Variants in NT5M observed in about 807,000 individuals in gnomAD.
NT5M encodes the protein 5',3'-nucleotidase, mitochondrial, also known as 5'(3')-deoxyribonucleotidase, mitochondrial.
NT5M carries 22 observed loss-of-function variants against 22.2 expected under a neutral mutation model. The observed-to-expected ratio is 0.99, with a 90% CI of 0.71 to 1.41. The LOEUF (loss-of-function observed/expected upper bound fraction) is 1.41, where lower values mean the gene tolerates loss of function less well. Among genes scored for constraint, NT5M ranks in the 40% most tolerant of loss-of-function variants. The pLI is 0.00. For missense variants in NT5M, 322 were observed against 314.8 expected, an observed-to-expected ratio of 1.02 and a Z score of -0.17; for synonymous variants, 167 against 133.0, an observed-to-expected ratio of 1.26 and a Z score of -1.76.
Position 17,303,587 on chromosome 17 carries a change from T to C in NT5M, c.37T>C (p.Cys13Arg). ...RLGGWCARRLCSAAVPAGRRG... is the reference protein window; with the variant it reads ...RLGGWCARRLRSAAVPAGRRG... ...GGGCGGCTGGTGTGCGCGGCGGCTC[T>C]GCAGCGCGGCGGTTCCCGCGGGGCG... is the stretch of plus-strand genomic sequence containing the variant. Residue 13 changes from cysteine (C) to arginine (R), a missense_variant, in exon 1 of 5, where the codon TGC becomes CGC. Physicochemically the swap from Cys to Arg is radical, Grantham distance 180 (BLOSUM62 -3). Transcript: ENST00000389022. The C allele has an allele frequency of 8.4e-7, 1 of 1,184,282 alleles. No homozygotes were observed. Among genetic ancestry groups the C allele is most frequent in the Non-Finnish European group, 1.0e-6 (1 of 953,506 alleles). The allele number at this position is 1,184,282 out of a possible 1,614,324, so 73.4% of individuals were successfully genotyped here.
At chr17:17,333,038 T>G (rs2049420672) in intron 3 of NT5M, among the ~76,000 whole-genome samples, 1 of 152,196 alleles carries the variant, frequency 6.6e-6, no homozygotes, top group Non-Finnish European at 1.5e-5. Context: ...GGGCTCTGGA[T>G]TTTGGCTGTT....
At chr17:17,309,062 G>C (rs959637974) in intron 2 of NT5M, among the ~76,000 whole-genome samples, 5 of 151,858 alleles carry the variant, frequency 3.3e-5, no homozygotes, top group Non-Finnish European at 7.4e-5. Context: ...ATTGGGAATA[G>C]TGCTGCTATG....
Position 17,347,024 on chromosome 17 carries a change from CT to C in NT5M, c.*78del. The C allele has an allele frequency of 6.4e-7, 1 of 1,553,436 alleles. No homozygotes were observed. The highest frequency in any genetic ancestry group is 1.2e-5 in the South Asian group (1 of 84,544). On this transcript the variant is annotated 3_prime_UTR_variant, in exon 5 of 5. Coordinates refer to ENST00000389022, the MANE Select transcript of NT5M (RefSeq NM_020201.4). ...GCTCGGGGCCTGTGGGGCCAGTATG[CT>C]GGTCTGGGAGTCCCTCCTAGACTCC...
intron 2 of NT5M, among the ~76,000 whole-genome samples, chr17:17,319,992 A>G (rs1052083205): frequency 6.6e-6 from 1 of 152,106 alleles, no homozygotes; most frequent in Non-Finnish European, 1.5e-5. Context: ...ACAGGTGCTC[A>G]TCACCACGTC....
intron 2 of NT5M, among the ~76,000 whole-genome samples, chr17:17,308,117 C>T (rs1002745641): frequency 6.6e-5 from 10 of 152,062 alleles, no homozygotes; most frequent in African/African-American, 7.2e-5. Context: ...AGAGGTTCAG[C>T]GGGAAACTTC....
intron 3 of NT5M, among the ~76,000 whole-genome samples, chr17:17,331,177 G>A (rs1209717803): frequency 1.3e-5 from 2 of 151,520 alleles, no homozygotes; most frequent in African/African-American, 2.4e-5. Flanking sequence ...GGGATGGCAC[G>A]GCCACACTGC....
chr17:17,341,173 T>C (rs1178932434), intron 3 of NT5M, among the ~76,000 whole-genome samples: 1 of 152,222 alleles, frequency 6.6e-6, no homozygotes, highest in Non-Finnish European at 1.5e-5. Context: ...ATACATGTGA[T>C]TTTTTTATAT....
At chr17:17,311,410 A>G (rs930868578) in intron 2 of NT5M, among the ~76,000 whole-genome samples, 5 of 151,626 alleles carry the variant, frequency 3.3e-5, no homozygotes, top group African/African-American at 1.2e-4. Flanking sequence ...TAATTTTTGT[A>G]TATGGTGTGA....
In NT5M at chr17:17,303,626, G is replaced by C; in HGVS notation, c.76G>C (p.Gly26Arg). 1 of 1,323,188 alleles carries C rather than the reference G, an allele frequency of 7.6e-7. No individual in the cohort carries two copies. The highest frequency in any genetic ancestry group is 9.7e-7 in the Non-Finnish European group (1 of 1,029,710). 82.0% of individuals were successfully genotyped at this position (1,323,188 alleles called of 1,614,324 possible). A position where few individuals can be genotyped will look rare whatever the true frequency, so the allele number is the denominator to read the frequency against. Reference protein sequence around the residue: ...AVPAGRRGAAGGLGLAGGRAL... With the variant: ...AVPAGRRGAARGLGLAGGRAL... The stretch of plus-strand genomic sequence containing the variant: ...TCCCGCGGGGCGGCGCGGGGCGGCG[G>C]GCGGGCTGGGCCTGGCGGGAGGCCG... The change falls in exon 1 of 5, where the codon GGC (glycine) becomes CGC (arginine). Residue 26 changes from glycine (G) to arginine (R), a missense_variant. By Grantham distance (125) the Gly-to-Arg change is moderately radical. Coordinates refer to ENST00000389022, the MANE Select transcript of NT5M (RefSeq NM_020201.4).
rs544461755 is a variant in NT5M at position 17,316,575 on chromosome 17, C to T, written c.369-6610C>T. ...ATTTTTATTAGAGATGGGGTTTCAC[C>T]ATGTTGGCCAGGCTGGTCTGGAACT... On this transcript the variant is annotated intron_variant, in intron 2 of 4. Transcript: ENST00000389022. 1.2e-3 allele frequency among the ~76,000 whole-genome samples: 176 copies of T among 151,808 alleles called. 1 individual carries two copies. Among genetic ancestry groups the T allele is most frequent in the African/African-American group, 4.1e-3 (168 of 41,368 alleles).
chr17:17,305,824 G>A (rs905133706), intron 1 of NT5M, among the ~76,000 whole-genome samples: 1 of 152,060 alleles, frequency 6.6e-6, no homozygotes, highest in Non-Finnish European at 1.5e-5. Flanking sequence ...GTTGGGGAGT[G>A]GGGAGGAGAG....
At chr17:17,346,653 G>T in intron 4 of NT5M, 152 bp from the exon 5 acceptor site, 3 of 830,236 alleles carry the variant, frequency 3.6e-6, no homozygotes, top group Non-Finnish European at 5.6e-6. Flanking sequence ...CCTCACACCC[G>T]CTGCGAAGGC....
intron 3 of NT5M, among the ~76,000 whole-genome samples, chr17:17,335,669 GTCAC>G (rs200901085): frequency 0.03 from 4,549 of 151,554 alleles, 97 homozygotes; most frequent in Non-Finnish European, 0.047. Flanking sequence ...GTCTTGCTCT[GTCAC>G]TCAGGCTGGA....
At chr17:17,324,829 A>G (rs567709906) in intron 3 of NT5M, among the ~76,000 whole-genome samples, 1 of 152,270 alleles carries the variant, frequency 6.6e-6, no homozygotes, top group African/African-American at 2.4e-5. Context: ...CGCACCACGC[A>G]CCACCATGGC....
chr17:17,330,486 C>T (rs796504989), intron 3 of NT5M, among the ~76,000 whole-genome samples: 7 of 151,482 alleles, frequency 4.6e-5, no homozygotes, highest in East Asian at 2.0e-4. Context: ...AGTGATTCCC[C>T]TGCCTCAACC....
intron 4 of NT5M, chr17:17,345,376 T>G: frequency 1.7e-6 from 1 of 593,702 alleles, no homozygotes; most frequent in Non-Finnish European, 2.1e-6. Flanking sequence ...TGAACTGCCG[T>G]AGAAAGGAGA....
intron 3 of NT5M, among the ~76,000 whole-genome samples, chr17:17,332,082 TG>T (rs2049400858): frequency 6.6e-6 from 1 of 151,888 alleles, no homozygotes; most frequent in South Asian, 2.1e-4. Context: ...ATCCGGCCTA[TG>T]GTATTATTTT....
intron 2 of NT5M, among the ~76,000 whole-genome samples, chr17:17,310,617 C>A (rs2048903166): frequency 6.6e-6 from 1 of 152,130 alleles, no homozygotes; most frequent in African/African-American, 2.4e-5. Flanking sequence ...AGGCAGATCA[C>A]TTGAGCTCAG....
intron 3 of NT5M, among the ~76,000 whole-genome samples, chr17:17,327,853 T>C (rs1366244427): frequency 1.7e-5 from 2 of 118,038 alleles, no homozygotes; most frequent in African/African-American, 6.0e-5. Flanking sequence ...GGTTTCACCA[T>C]GTTGGCCAGG....
Sources: gnomAD v4.1 joint callset for allele counts (sites outside exome capture counted in the v4.1 genomes callset) on GRCh38, gnomAD v4.1.1 for gene constraint, MANE v1.5 for transcripts, NCBI Gene and HGNC (gene_info 2026-07-23, HGNC 2026-07-21) for gene names.